Variants in ATP2C1 observed in about 807,000 individuals in gnomAD.
The protein encoded by ATP2C1 is calcium-transporting ATPase type 2C member 1.
In ATP2C1, 31 loss-of-function variants were observed where a neutral mutation model predicts 120.5. The observed-to-expected ratio is 0.26, with a 90% confidence interval of 0.19 to 0.35. ATP2C1 has a LOEUF of 0.35. Among genes scored for constraint, ATP2C1 ranks in the 10% least tolerant of loss-of-function variants. The pLI is 1.00. For missense variants in ATP2C1, 731 were observed against 1,107.5 expected, an observed-to-expected ratio of 0.66 and a Z score of 4.83; for synonymous variants, 351 against 358.7, an observed-to-expected ratio of 0.98 and a Z score of 0.24.
At chr3:130,955,226 T>C (rs2060529218) in intron 10 of ATP2C1, 146 bp downstream of exon 10, 1 of 679,082 alleles carries the variant, frequency 1.5e-6, no homozygotes, top group African/African-American at 1.8e-5. Flanking sequence ...GAAACATAAT[T>C]GGAAAGCCTG....
intron 2 of ATP2C1, among the ~76,000 whole-genome samples, chr3:130,903,140 G>A (rs754001895): frequency 2.2e-4 from 33 of 151,960 alleles, no homozygotes; most frequent in Admixed American, 1.1e-3. Context: ...ACTAATGTAC[G>A]TTTTATTAAT....
At chr3:130,955,105 G>A in intron 10 of ATP2C1, 25 bp downstream of exon 10, 2 of 1,487,260 alleles carry the variant, frequency 1.3e-6, no homozygotes, top group East Asian at 2.3e-5. Context: ...TGTTAATGAT[G>A]TATTTGTTCC....
At chr3:130,963,221 G>GT (rs1457149214) in intron 12 of ATP2C1, 5 of 152,030 alleles carry the variant, frequency 3.3e-5, no homozygotes, top group Non-Finnish European at 5.9e-5. Flanking sequence ...TGGTCGCAAT[G>GT]TTTTACAACT....
chr3:131,013,995 G>C, intron 26 of ATP2C1: 1 of 1,234,264 alleles, frequency 8.1e-7, no homozygotes, highest in South Asian at 1.5e-5. Flanking sequence ...TTCAAGGGTG[G>C]TAACGGAAGA....
At chr3:130,918,117 G>A in intron 2 of ATP2C1, 1 of 711,118 alleles carries the variant, frequency 1.4e-6, no homozygotes, top group Non-Finnish European at 2.5e-6. Context: ...GTAATATATA[G>A]TACTTAATGC....
At chr3:130,910,376 A>G (rs1267391856) in intron 2 of ATP2C1, among the ~76,000 whole-genome samples, 1 of 145,656 alleles carries the variant, frequency 6.9e-6, no homozygotes, top group Non-Finnish European at 1.5e-5. Context: ...CTAGATATAC[A>G]ATCATGTCGT....
At chr3:130,901,867 G>C (rs192595575) in intron 2 of ATP2C1, among the ~76,000 whole-genome samples, 2 of 151,976 alleles carry the variant, frequency 1.3e-5, no homozygotes, top group Admixed American at 1.3e-4. Context: ...TTTTGCCCCC[G>C]GGGGACATTT....
At chr3:130,908,461 T>C (rs2058243077) in intron 2 of ATP2C1, among the ~76,000 whole-genome samples, 1 of 145,816 alleles carries the variant, frequency 6.9e-6, no homozygotes, top group South Asian at 2.2e-4. Context: ...TGTGGTTCTA[T>C]TAGAAATTAA....
Position 130,936,644 on chromosome 3 carries a change from C to G in ATP2C1, c.325-784C>G, listed in dbSNP as rs111839675. ...TGGCTAACATGGTGAAACCCCGTCTCTACTAAAAATACAAAAAAAAAAATT... is the reference window on the plus strand; with the variant it reads ...TGGCTAACATGGTGAAACCCCGTCTGTACTAAAAATACAAAAAAAAAAATT... On this transcript the variant is annotated intron_variant, in intron 5 of 27. Transcript: ENST00000510168. 9.2e-3 allele frequency among the ~76,000 whole-genome samples: 1,395 copies of G among 151,554 alleles called. 11 individuals carry two copies. Among genetic ancestry groups the G allele is most frequent in the Non-Finnish European group, 0.014 (955 of 67,840 alleles).
At chr3:130,934,407 A>AT (rs148794392) in intron 4 of ATP2C1, among the ~76,000 whole-genome samples, 16,493 of 150,744 alleles carry the variant, frequency 0.11, 1,022 homozygotes, top group East Asian at 0.18. Context: ...TTGCTATTTA[A>AT]TTTTTTTTTT....
intron 1 of ATP2C1, among the ~76,000 whole-genome samples, chr3:130,877,894 T>C (rs1050118500): frequency 5.2e-4 from 79 of 152,006 alleles, no homozygotes; most frequent in African/African-American, 1.9e-3. Flanking sequence ...AACCCAAATG[T>C]CCAACAGTGA....
chr3:130,941,670 A>C lies in ATP2C1; in HGVS notation c.502A>C (p.Arg168=), dbSNP rs1306822001. 5 of 1,613,944 alleles carry C rather than the reference A, an allele frequency of 3.1e-6. No homozygotes were observed. The highest frequency in any genetic ancestry group is 2.7e-5 in the African/African-American group (2 of 74,896). Residue 168 remains arginine, a synonymous_variant, in exon 8 of 28, where the codon AGA becomes CGA. Coordinates refer to ENST00000510168, the MANE Select transcript of ATP2C1 (RefSeq NM_001378687.1). ...GDTVCLSVGD[R]VPADLRLFEA... is the part of the protein sequence containing the mutation. The stretch of plus-strand genomic sequence containing the variant: ...TACAGTTTGCCTTTCTGTTGGGGAT[A>C]GAGTTCCTGCTGACTTACGCTTGTT...
chr3:130,902,284 GTTT>G (rs1157956407), intron 2 of ATP2C1, among the ~76,000 whole-genome samples: 5 of 65,504 alleles, frequency 7.6e-5, no homozygotes, highest in African/African-American at 1.7e-4. Context: ...AAGGCTTCAC[GTTT>G]TTTTTTTTTG....
intron 13 of ATP2C1, 125 bp from the exon 14 acceptor site, chr3:130,964,820 TAAC>T: frequency 3.1e-6 from 2 of 646,584 alleles, no homozygotes; most frequent in Non-Finnish European, 5.3e-6. Flanking sequence ...AATCTAAAAT[TAAC>T]AATGAGTTTG....
chr3:130,968,945 A>G (rs1459782200), intron 16 of ATP2C1, among the ~76,000 whole-genome samples: 2 of 152,180 alleles, frequency 1.3e-5, no homozygotes, highest in Non-Finnish European at 2.9e-5. Flanking sequence ...TCTATTGATC[A>G]TAAAAATACA....
rs1414345795 is a variant in ATP2C1, at chr3:130,867,699, GC to G, written c.108+16774del. ...CCAAAGAGCCGAGATTGCAGCCTCT[GC>G]CCGGCCGCCACCCCGTCTGGGAAGT... On this transcript the variant is annotated intron_variant, in intron 1 of 26. Transcript: ENST00000504381. 7.2e-4 allele frequency among the ~76,000 whole-genome samples: 107 copies of G among 149,260 alleles called. 1 individual carries two copies. The East Asian group carries it at 0.018, about 25-fold the overall frequency.
chr3:130,964,355 T>C (rs2060957395), intron 13 of ATP2C1, among the ~76,000 whole-genome samples: 1 of 152,024 alleles, frequency 6.6e-6, no homozygotes, highest in East Asian at 1.9e-4. Context: ...ACAACTGAAA[T>C]CTTGGAGTAA....
rs141898362 is a variant in ATP2C1, at chr3:130,918,099, A to C, written c.7-12317A>C. 117 of 626,860 alleles carry C rather than the reference A, an allele frequency of 1.9e-4. No homozygotes were observed. In the East Asian group the frequency reaches 3.1e-3, roughly 17 times the overall value. 38.8% of individuals were successfully genotyped at this position (626,860 alleles called of 1,614,324 possible). Reference sequence around the variant, plus strand: ...TCCTACGAGTTAGCCAGCCTATCCGAGTACAGGGTAATATATAGTACTTAA... The same window carrying C: ...TCCTACGAGTTAGCCAGCCTATCCGCGTACAGGGTAATATATAGTACTTAA... On this transcript the variant is annotated intron_variant, in intron 2 of 27. Transcript: ENST00000510168.
intron 26 of ATP2C1, among the ~76,000 whole-genome samples, chr3:131,010,187 C>CTT (rs35503162): frequency 1.2e-3 from 102 of 87,980 alleles, no homozygotes; most frequent in African/African-American, 3.1e-3. Flanking sequence ...CTTTTTCTAT[C>CTT]TTTTTTTTTT....
Sources: gnomAD v4.1 joint callset for allele counts (sites outside exome capture counted in the v4.1 genomes callset) on GRCh38, gnomAD v4.1.1 for gene constraint, MANE v1.5 for transcripts, NCBI Gene and HGNC (gene_info 2026-07-23, HGNC 2026-07-21) for gene names.